The following REDIC1 variants were observed in gnomAD, a reference collection of about 807,000 sequenced individuals.
REDIC1 encodes regulator of DNA class I crossover intermediates 1, also known as HEI10 Interacting Protein 1.
chr12:39,786,096 G>C, the REDIC1 span, among the ~76,000 whole-genome samples: 1 of 152,126 alleles, frequency 6.6e-6, no homozygotes, highest in Non-Finnish European at 1.5e-5. Flanking sequence ...TTTGAAATGT[G>C]AGGACATGAG....
At chr12:39,714,257 G>A in the REDIC1 span, among the ~76,000 whole-genome samples, 21,930 of 37,322 alleles carry the variant, frequency 0.59, 6,830 homozygotes, top group Middle Eastern at 0.73. Context: ...ATACGTATAT[G>A]CATGCATATA....
the REDIC1 span, among the ~76,000 whole-genome samples, chr12:39,830,948 A>C: frequency 6.6e-6 from 1 of 152,334 alleles, no homozygotes; most frequent in South Asian, 2.1e-4. Context: ...ATTTGACAGC[A>C]GTATTCTAAC....
At chr12:39,796,701 T>A in the REDIC1 span, among the ~76,000 whole-genome samples, 5 of 152,152 alleles carry the variant, frequency 3.3e-5, no homozygotes, top group African/African-American at 9.7e-5. Context: ...ATAATATGAT[T>A]GAAATCAACT....
chr12:39,731,812 G>C, the REDIC1 span, among the ~76,000 whole-genome samples: 1 of 147,038 alleles, frequency 6.8e-6, no homozygotes, highest in Admixed American at 7.0e-5. Flanking sequence ...GTATGCCCCT[G>C]ACTGTTTCTG....
chr12:39,628,031 C>T, the REDIC1 span, among the ~76,000 whole-genome samples: 1,014 of 152,204 alleles, frequency 6.7e-3, 6 homozygotes, highest in Non-Finnish European at 0.011. Flanking sequence ...TGGTCCTAGG[C>T]AGTTTCAGAA....
At chr12:39,872,292 A>T in the REDIC1 span, among the ~76,000 whole-genome samples, 1 of 152,196 alleles carries the variant, frequency 6.6e-6, no homozygotes, top group African/African-American at 2.4e-5. Context: ...TTGGCCACAT[A>T]ATAAGGTTAT....
chr12:39,817,083 C>T, the REDIC1 span, among the ~76,000 whole-genome samples: 1 of 151,944 alleles, frequency 6.6e-6, no homozygotes, highest in Non-Finnish European at 1.5e-5. Flanking sequence ...CTTCTCTTTT[C>T]ATAACAGCAA....
At chr12:39,713,805 ATG>A in the REDIC1 span, among the ~76,000 whole-genome samples, 1 of 148,606 alleles carries the variant, frequency 6.7e-6, no homozygotes, top group African/African-American at 2.5e-5. Context: ...GTATATATGC[ATG>A]TGTATATATA....
chr12:39,812,434 CT>C, the REDIC1 span, among the ~76,000 whole-genome samples: 2 of 144,352 alleles, frequency 1.4e-5, no homozygotes, highest in Admixed American at 1.4e-4. Context: ...GCCTTCCTTC[CT>C]TTTCTTTCTT....
chr12:39,878,907 G>C, the REDIC1 span, among the ~76,000 whole-genome samples: 2 of 152,208 alleles, frequency 1.3e-5, no homozygotes, highest in Non-Finnish European at 2.9e-5. Context: ...CACAGGCCCA[G>C]AGGCCTAGGA....
At chr12:39,631,869 G>T in the REDIC1 span, among the ~76,000 whole-genome samples, 2 of 152,052 alleles carry the variant, frequency 1.3e-5, no homozygotes, top group Non-Finnish European at 2.9e-5. Flanking sequence ...CTGAAAAATT[G>T]CTTTCTTCTG....
chr12:39,668,221 T>C, the REDIC1 span, among the ~76,000 whole-genome samples: 2 of 152,198 alleles, frequency 1.3e-5, no homozygotes, highest in African/African-American at 4.8e-5. Context: ...TTCCTTTCCA[T>C]GTTTATTGCT....
chr12:39,742,737 G>A, the REDIC1 span, among the ~76,000 whole-genome samples: 2 of 152,120 alleles, frequency 1.3e-5, no homozygotes, highest in African/African-American at 4.8e-5. Context: ...TGGTCTAGCA[G>A]GTGAGGAGCT....
chr12:39,652,100 G>A, the REDIC1 span, among the ~76,000 whole-genome samples: 1,272 of 151,956 alleles, frequency 8.4e-3, 18 homozygotes, highest in African/African-American at 0.029. Flanking sequence ...TTTATTGCAG[G>A]GTAGTATTTC....
the REDIC1 span, among the ~76,000 whole-genome samples, chr12:39,888,993 G>GTAATAAAA: frequency 4.6e-5 from 7 of 151,950 alleles, no homozygotes; most frequent in Admixed American, 4.6e-4. Flanking sequence ...TACAAGTCGG[G>GTAATAAAA]ATTCAATAAT....
the REDIC1 span, among the ~76,000 whole-genome samples, chr12:39,740,941 T>C: frequency 6.6e-6 from 1 of 151,512 alleles, no homozygotes; most frequent in Non-Finnish European, 1.5e-5. Flanking sequence ...GTAATATGCA[T>C]AATTATTTCA....
At chr12:39,665,434 C>T in the REDIC1 span, among the ~76,000 whole-genome samples, 1 of 151,472 alleles carries the variant, frequency 6.6e-6, no homozygotes, top group African/African-American at 2.4e-5. Flanking sequence ...TGTTCTATAT[C>T]TCTGTTTTGG....
At chr12:39,816,803 A>G in the REDIC1 span, among the ~76,000 whole-genome samples, 3 of 152,172 alleles carry the variant, frequency 2.0e-5, no homozygotes, top group Non-Finnish European at 4.4e-5. Context: ...CTTGGTGATA[A>G]GCTGGTGAAA....
At chr12:39,813,185 T>G in the REDIC1 span, among the ~76,000 whole-genome samples, 1 of 151,732 alleles carries the variant, frequency 6.6e-6, no homozygotes, top group African/African-American at 2.4e-5. Context: ...CTTCTTTTAT[T>G]GGATTAATTA....
Sources: allele counts gnomAD v4.1 joint callset (sites outside exome capture counted in the v4.1 genomes callset), GRCh38; gene constraint gnomAD v4.1.1; transcripts MANE v1.5; gene names NCBI Gene and HGNC (gene_info 2026-07-23, HGNC 2026-07-21).